HS3ST1: variants seen among roughly 807,000 people sequenced by gnomAD.
HS3ST1 encodes heparan sulfate glucosamine 3-O-sulfotransferase 1.
A neutral mutation model predicts 20.7 loss-of-function variants in HS3ST1; 8 were observed. The observed-to-expected ratio is 0.39, with a 90% CI of 0.23 to 0.70. HS3ST1 has a LOEUF of 0.70. HS3ST1 is among the 30% of genes least tolerant of loss of function. HS3ST1 has a pLI of 0.46. For synonymous variants in HS3ST1, 205 were observed against 190.4 expected (o/e 1.08, Z -0.63); for missense variants, 436 against 423.4 (o/e 1.03, Z -0.26).
chr4:11,412,378 T>C (rs544312212), intron 1 of HS3ST1, among the ~76,000 whole-genome samples: 2 of 152,266 alleles, frequency 1.3e-5, no homozygotes, highest in South Asian at 2.1e-4. Flanking sequence ...TTGAGAAACA[T>C]ACGGGTTGAT....
chr4:11,409,653 G>C (rs367569907), intron 1 of HS3ST1, among the ~76,000 whole-genome samples: 25 of 152,336 alleles, frequency 1.6e-4, no homozygotes, highest in South Asian at 1.0e-3. Flanking sequence ...AATATCTATT[G>C]TTTAAACCAT....
chr4:11,399,191 C>A lies in HS3ST1; in HGVS notation c.815G>T (p.Arg272Leu), dbSNP rs775462827. 2 of 1,614,136 alleles carry A rather than the reference C, an allele frequency of 1.2e-6. No homozygotes were observed. The highest frequency in any genetic ancestry group is 1.7e-6 in the Non-Finnish European group (2 of 1,180,050). ...RDRCLHESKG[R>L]AHPQVDPKLL... is the part of the protein sequence containing the mutation. ...TTTGGGATCGACTTGGGGGTGCGCC[C>A]GGCCTTTGGACTCATGTAAGCAGCG... Residue 272 changes from arginine (R) to leucine (L), a missense_variant, in exon 2 of 2, where the codon CGG (arginine) becomes CTG (leucine). Physicochemically the swap from Arg to Leu is moderately radical, Grantham distance 102. Transcript: ENST00000002596. The surrounding 1 kb of genome is among the most constrained non-coding windows in gnomAD (Gnocchi z 5.1).
At position 11,400,094 on chromosome 4, in the gene HS3ST1, G is replaced by A. The variant is rs1718282936; in HGVS notation, c.-89C>T. The A allele has an allele frequency of 3.5e-6, 5 of 1,429,252 alleles. No individual in the cohort carries two copies. In the South Asian group the frequency reaches 7.5e-5, roughly 21 times the overall value. The allele number at this position is 1,429,252 out of a possible 1,614,324, so 88.5% of individuals were successfully genotyped here. ...AAGCCTCCTAGTCAGTGGCACATGG[G>A]CGTTTCAGGCCTTCAATTACTAGGG... On this transcript the variant is annotated 5_prime_UTR_variant, in exon 2 of 2. Coordinates refer to ENST00000002596, the MANE Select transcript of HS3ST1 (RefSeq NM_005114.4).
chr4:11,426,652 C>T (rs1191126890), intron 1 of HS3ST1, among the ~76,000 whole-genome samples: 1 of 152,242 alleles, frequency 6.6e-6, no homozygotes, highest in Non-Finnish European at 1.5e-5. Flanking sequence ...TAATAAGCCT[C>T]ACTAAGGAAT....
intron 1 of HS3ST1, among the ~76,000 whole-genome samples, chr4:11,409,636 A>G (rs1247768983): frequency 5.3e-5 from 8 of 152,252 alleles, no homozygotes; most frequent in African/African-American, 1.9e-4. Context: ...CAGAGCTGTG[A>G]GAAATAAATA....
At chr4:11,408,849 C>T (rs1338821037) in intron 1 of HS3ST1, among the ~76,000 whole-genome samples, 2 of 152,188 alleles carry the variant, frequency 1.3e-5, no homozygotes, top group African/African-American at 2.4e-5. Context: ...GGCTTCAGCC[C>T]CTGCTCCAGG....
upstream of HS3ST1, among the ~76,000 whole-genome samples, chr4:11,430,800 A>G (rs1024469696): frequency 6.6e-6 from 1 of 152,252 alleles, no homozygotes; most frequent in Non-Finnish European, 1.5e-5. Flanking sequence ...ACTGCAGGGC[A>G]CATGTGGGAA....
Position 11,399,905 on chromosome 4 carries a change from G to T in HS3ST1, c.101C>A (p.Ala34Glu). ...GCGGACGTCATCCTGGAGGGTCCCC[G>T]CTTTCCGCAGAAGCTCCTGCTGGCC... is the stretch of plus-strand genomic sequence containing the variant. ...ELGQQELLRK[A>E]GTLQDDVRDG... is the part of the protein sequence containing the mutation. The change falls in exon 2 of 2, where the codon GCG becomes GAG. Residue 34 changes from alanine to glutamate, a missense_variant. Transcript: ENST00000002596. The surrounding 1 kb of genome is among the most constrained non-coding windows in gnomAD (Gnocchi z 5.1). 6.2e-7 allele frequency: 1 copy of T among 1,606,990 alleles called. No homozygotes were observed. Among genetic ancestry groups the T allele is most frequent in the Non-Finnish European group, 8.5e-7 (1 of 1,178,298 alleles).
chr4:11,430,894 G>A (rs1719190494), upstream of HS3ST1, among the ~76,000 whole-genome samples: 1 of 152,132 alleles, frequency 6.6e-6, no homozygotes, highest in Non-Finnish European at 1.5e-5. Flanking sequence ...GATAATCTAT[G>A]TTCTTACATT....
At chr4:11,404,626 T>C (rs1718411857) in intron 1 of HS3ST1, among the ~76,000 whole-genome samples, 1 of 152,216 alleles carries the variant, frequency 6.6e-6, no homozygotes, top group Non-Finnish European at 1.5e-5. Flanking sequence ...GAAGGCAGGT[T>C]TGAACCTGCA....
At chr4:11,420,823 T>G (rs926504426) in intron 1 of HS3ST1, among the ~76,000 whole-genome samples, 5 of 152,196 alleles carry the variant, frequency 3.3e-5, no homozygotes, top group African/African-American at 4.8e-5. Context: ...CTCTTTCATC[T>G]TGGACCCTAC....
chr4:11,427,474 C>G (rs1027851721), intron 1 of HS3ST1, among the ~76,000 whole-genome samples: 3 of 152,210 alleles, frequency 2.0e-5, no homozygotes, highest in African/African-American at 7.2e-5. Context: ...TTTCTCGGAG[C>G]GCAGCGCAAA....
chr4:11,407,971 T>C (rs1307097082), intron 1 of HS3ST1, among the ~76,000 whole-genome samples: 1 of 152,238 alleles, frequency 6.6e-6, no homozygotes, highest in Non-Finnish European at 1.5e-5. Flanking sequence ...GCAATGTCTT[T>C]TGTTTTTTAT....
chr4:11,420,605 G>A (rs1292509858), intron 1 of HS3ST1, among the ~76,000 whole-genome samples: 1 of 152,198 alleles, frequency 6.6e-6, no homozygotes, highest in Admixed American at 6.5e-5. Flanking sequence ...TACGCTGGTG[G>A]CCTCACAGGG....
At chr4:11,425,581 C>G (rs550040593) in intron 1 of HS3ST1, among the ~76,000 whole-genome samples, 3 of 152,290 alleles carry the variant, frequency 2.0e-5, no homozygotes, top group African/African-American at 7.2e-5. Context: ...AAAGAAATCT[C>G]TCCCACTTAA....
chr4:11,407,012 T>G (rs912770872), intron 1 of HS3ST1, among the ~76,000 whole-genome samples: 2 of 152,230 alleles, frequency 1.3e-5, no homozygotes, highest in Non-Finnish European at 2.9e-5. Context: ...CAGGTCATTT[T>G]AGAAACAATG....
chr4:11,408,363 G>A (rs935441349), intron 1 of HS3ST1, among the ~76,000 whole-genome samples: 6 of 152,156 alleles, frequency 3.9e-5, no homozygotes, highest in African/African-American at 1.4e-4. Context: ...ATGTTGGGTG[G>A]TATAAATGGG....
intron 1 of HS3ST1, among the ~76,000 whole-genome samples, chr4:11,408,404 T>C (rs1340993321): frequency 6.6e-6 from 1 of 152,202 alleles, no homozygotes; most frequent in Non-Finnish European, 1.5e-5. Flanking sequence ...CAAACACATT[T>C]GTTCATGATG....
chr4:11,424,037 GA>G (rs543945093), intron 1 of HS3ST1, among the ~76,000 whole-genome samples: 3,930 of 112,836 alleles, frequency 0.035, 117 homozygotes, highest in African/African-American at 0.082. Context: ...AGTCTATCTT[GA>G]AAAAAAAAAA....
Sources: allele counts gnomAD v4.1 joint callset (sites outside exome capture counted in the v4.1 genomes callset), GRCh38; gene constraint gnomAD v4.1.1; non-coding constraint Gnocchi (gnomAD v3.1); transcripts MANE v1.5; gene names NCBI Gene and HGNC (gene_info 2026-07-23, HGNC 2026-07-21).